The following QTMAN variants were observed in gnomAD, a reference collection of about 807,000 sequenced individuals.
QTMAN encodes tRNA-queuosine alpha-mannosyltransferase.
chr2:144,124,511 T>A, the QTMAN span, among the ~76,000 whole-genome samples: 3 of 152,122 alleles, frequency 2.0e-5, no homozygotes, highest in African/African-American at 4.8e-5. Context: ...TAGGCATTAC[T>A]AAGCCACAGA....
the QTMAN span, among the ~76,000 whole-genome samples, chr2:144,003,531 A>G: frequency 1.3e-5 from 2 of 152,024 alleles, no homozygotes; most frequent in African/African-American, 2.4e-5. Context: ...ACAAAACATT[A>G]AAGACTGGGT....
the QTMAN span, among the ~76,000 whole-genome samples, chr2:144,036,157 T>A: frequency 6.6e-6 from 1 of 152,210 alleles, no homozygotes; most frequent in Non-Finnish European, 1.5e-5. Flanking sequence ...TCCAAATGTT[T>A]CCTAAAACCT....
chr2:144,231,843 G>GGGGT, the QTMAN span, among the ~76,000 whole-genome samples: 1 of 138,340 alleles, frequency 7.2e-6, no homozygotes, highest in Non-Finnish European at 1.6e-5. Context: ...GAATGAAAGA[G>GGGGT]GTGTGTGTGT....
the QTMAN span, among the ~76,000 whole-genome samples, chr2:144,218,605 AC>A: frequency 6.6e-6 from 1 of 152,212 alleles, no homozygotes; most frequent in Non-Finnish European, 1.5e-5. Context: ...GAATACTCAA[AC>A]ATGTTTTAAT....
chr2:144,257,987 A>T, the QTMAN span, among the ~76,000 whole-genome samples: 1 of 152,180 alleles, frequency 6.6e-6, no homozygotes, highest in African/African-American at 2.4e-5. Context: ...AAGATAAGAC[A>T]ACTAAAGGAG....
chr2:144,270,574 T>G, the QTMAN span, among the ~76,000 whole-genome samples: 2 of 150,552 alleles, frequency 1.3e-5, 1 homozygote, highest in East Asian at 3.9e-4. Flanking sequence ...AAACACTGCA[T>G]GTTCTCACTC....
the QTMAN span, among the ~76,000 whole-genome samples, chr2:144,162,165 G>A: frequency 1.3e-5 from 2 of 152,070 alleles, no homozygotes; most frequent in Middle Eastern, 3.2e-3. Flanking sequence ...ATTTTTACAC[G>A]GTAATTTGCC....
chr2:144,058,116 C>A, the QTMAN span, among the ~76,000 whole-genome samples: 7 of 124,436 alleles, frequency 5.6e-5, 1 homozygote, highest in African/African-American at 2.3e-4. Context: ...AAAGAACCCC[C>A]CTCCCCCACC....
the QTMAN span, among the ~76,000 whole-genome samples, chr2:144,149,295 G>A: frequency 6.6e-6 from 1 of 151,916 alleles, no homozygotes; most frequent in African/African-American, 2.4e-5. Context: ...CCTGACAGCT[G>A]CTGCTTGAGC....
chr2:144,123,798 T>C, the QTMAN span, among the ~76,000 whole-genome samples: 88 of 152,270 alleles, frequency 5.8e-4, no homozygotes, highest in African/African-American at 2.1e-3. Context: ...TATGGTTTCA[T>C]ATTCTCTAAA....
the QTMAN span, among the ~76,000 whole-genome samples, chr2:144,069,769 A>C: frequency 1.3e-5 from 2 of 152,052 alleles, no homozygotes; most frequent in African/African-American, 4.8e-5. Flanking sequence ...ACAAATAAGA[A>C]CTTCAGCAAC....
At chr2:144,186,572 C>T in the QTMAN span, among the ~76,000 whole-genome samples, 1 of 152,170 alleles carries the variant, frequency 6.6e-6, no homozygotes, top group African/African-American at 2.4e-5. Flanking sequence ...TTCTCCATGA[C>T]AATTCTCAAC....
At chr2:144,326,337 C>T in the QTMAN span, among the ~76,000 whole-genome samples, 2 of 152,206 alleles carry the variant, frequency 1.3e-5, no homozygotes, top group Admixed American at 1.3e-4. Context: ...CCTGTAATCC[C>T]AGCACTTTGG....
At chr2:143,951,895 G>T in the QTMAN span, 7 of 693,488 alleles carry the variant, frequency 1.0e-5, no homozygotes, top group Non-Finnish European at 1.8e-5. Context: ...TTAAACATTA[G>T]TATGTTAATT....
the QTMAN span, among the ~76,000 whole-genome samples, chr2:144,224,844 T>C: frequency 6.6e-6 from 1 of 152,184 alleles, no homozygotes; most frequent in Non-Finnish European, 1.5e-5. Context: ...TGTTTTGTGA[T>C]ATTATCATGA....
the QTMAN span, among the ~76,000 whole-genome samples, chr2:144,322,414 G>A: frequency 3.2e-3 from 482 of 152,032 alleles, 5 homozygotes; most frequent in African/African-American, 0.011. Context: ...ATACATTTTA[G>A]GAAAACAAAA....
chr2:143,977,380 C>T, the QTMAN span, among the ~76,000 whole-genome samples: 1 of 152,120 alleles, frequency 6.6e-6, no homozygotes, highest in Admixed American at 6.5e-5. Flanking sequence ...CACTCCACTT[C>T]CAGGCAAGAA....
At chr2:144,183,914 C>G in the QTMAN span, among the ~76,000 whole-genome samples, 2 of 152,120 alleles carry the variant, frequency 1.3e-5, no homozygotes, top group Non-Finnish European at 2.9e-5. Context: ...GCGCTTAGAG[C>G]TCATTGAAGC....
At chr2:144,136,590 C>T in the QTMAN span, among the ~76,000 whole-genome samples, 1 of 152,050 alleles carries the variant, frequency 6.6e-6, no homozygotes, top group South Asian at 2.1e-4. Flanking sequence ...TTCCCTACTT[C>T]TGCTAGGCCT....
Sources: allele counts gnomAD v4.1 joint callset (sites outside exome capture counted in the v4.1 genomes callset), GRCh38; gene constraint gnomAD v4.1.1; transcripts MANE v1.5; gene names NCBI Gene and HGNC (gene_info 2026-07-23, HGNC 2026-07-21).